FCER2: variants seen among roughly 807,000 people sequenced by gnomAD.
FCER2 encodes Fc epsilon receptor II.
FCER2 carries 38 observed loss-of-function variants against 49.7 expected under a neutral mutation model. That is an observed-to-expected ratio of 0.76 (90% CI 0.59 to 1.00). The LOEUF is 1.00. Among genes scored for constraint, FCER2 ranks in the 50% least tolerant of loss-of-function variants. The probability of loss-of-function intolerance (pLI) is 0.00; values close to 1 mark genes in which losing one functional copy is unlikely to be tolerated. For missense variants in FCER2, 425 were observed against 419.5 expected (o/e 1.01, Z -0.11); for synonymous variants, 163 against 164.6 (o/e 0.99, Z 0.07).
chr19:7,693,591 G>A (rs12974036), intron 8 of FCER2, among the ~76,000 whole-genome samples: 79,229 of 151,540 alleles, frequency 0.52, 20,843 homozygotes, highest in African/African-American at 0.6. Context: ...AAGTAAGTAG[G>A]TTTTCCTATA....
intron 8 of FCER2, among the ~76,000 whole-genome samples, chr19:7,695,577 A>G (rs2146275625): frequency 6.6e-6 from 1 of 152,066 alleles, no homozygotes; most frequent in East Asian, 1.9e-4. Context: ...GGAGTTCAGG[A>G]CCAGCCTGGG....
intron 2 of FCER2, chr19:7,699,488 T>A (rs75552259): frequency 2.3e-6 from 3 of 1,298,292 alleles, no homozygotes; most frequent in Non-Finnish European, 2.0e-6. Flanking sequence ...TTTTTTTTTT[T>A]TTTTCTTTTT....
At chr19:7,701,682 C>T (rs1312874858) in intron 1 of FCER2, among the ~76,000 whole-genome samples, 2 of 152,050 alleles carry the variant, frequency 1.3e-5, no homozygotes, top group South Asian at 2.1e-4. Flanking sequence ...GGCAGGATCC[C>T]AACTCCAGGC....
chr19:7,691,182 G>A (rs73489945), intron 8 of FCER2, among the ~76,000 whole-genome samples: 52,781 of 151,262 alleles, frequency 0.35, 10,269 homozygotes, highest in African/African-American at 0.53. Flanking sequence ...CCCCTCAACC[G>A]TCAACACCAT....
rs1316362702 is a variant in FCER2, at chr19:7,696,933, G to C, written c.380-19C>G. The C allele has an allele frequency of 6.4e-7, 1 of 1,568,366 alleles. No homozygotes were observed. The highest frequency in any genetic ancestry group is 1.2e-5 in the South Asian group (1 of 85,470). Reference sequence around the variant, plus strand: ...TTCAATTCTTGGGGAGTCAACAAGGGGCGGTGCTCAGAGACCAACTGGCAG... The same window carrying C: ...TTCAATTCTTGGGGAGTCAACAAGGCGCGGTGCTCAGAGACCAACTGGCAG... On this transcript the variant is annotated intron_variant, in intron 7 of 10. Coordinates refer to ENST00000597921, the MANE Select transcript of FCER2 (RefSeq NM_001220500.2).
At chr19:7,697,731 G>A (rs1458950982) in intron 4 of FCER2, 142 bp from the exon 5 acceptor site, 3 of 682,294 alleles carry the variant, frequency 4.4e-6, no homozygotes, top group East Asian at 5.3e-5. Flanking sequence ...AGCAGGAGGA[G>A]TGTACTCAGG....
chr19:7,697,300 T>G lies in FCER2; in HGVS notation c.254-2A>C, dbSNP rs780558442. On this transcript the variant is annotated splice_acceptor_variant, in intron 5 of 10. Transcript: ENST00000597921. LOFTEE classifies it high-confidence loss of function. Reference sequence around the variant, plus strand: ...CCAGTTCCTGTGAAATCTGCGTGGCTGTTTGCAGGGGAGGGGGCTTCATGG... The same window carrying G: ...CCAGTTCCTGTGAAATCTGCGTGGCGGTTTGCAGGGGAGGGGGCTTCATGG... 1.2e-6 allele frequency: 2 copies of G among 1,614,160 alleles called. No individual in the cohort carries two copies. Among genetic ancestry groups the G allele is most frequent in the Admixed American group, 3.3e-5 (2 of 60,018 alleles).
chr19:7,696,482 C>G (rs2033014460), intron 8 of FCER2, among the ~76,000 whole-genome samples: 1 of 152,080 alleles, frequency 6.6e-6, no homozygotes, highest in East Asian at 1.9e-4. Context: ...GTGATCCACC[C>G]GCCTCGGCCT....
rs933036713 is a variant in FCER2, at chr19:7,689,255, G to T, written c.904C>A (p.Pro302Thr). 2 of 1,613,876 alleles carry T rather than the reference G, an allele frequency of 1.2e-6. No homozygotes were observed. Among genetic ancestry groups the T allele is most frequent in the African/African-American group, 2.7e-5 (2 of 75,042 alleles). ...ASEGSAESMG[P>T]DSRPDPDGRL... is the part of the protein sequence containing the mutation. ...CCGTCAGGGTCTGGTCTTGAATCAG[G>T]TCCCATGGACTCCGCGGAACCTTCG... is the stretch of plus-strand genomic sequence containing the variant. The change falls in exon 11 of 11, where the codon CCT becomes ACT. Residue 302 changes from proline (P) to threonine (T), a missense_variant. Transcript: ENST00000597921.
At position 7,689,054 on chromosome 19, in the gene FCER2, C is replaced by T; in HGVS notation, c.*139G>A. On this transcript the variant is annotated 3_prime_UTR_variant, in exon 11 of 11. Transcript: ENST00000597921. ...GGTGTACTCCTGGGAAGGCAGGGGC[C>T]ATAGAGGAGCGGGAGATGTGTCAGC... 1 of 645,518 alleles carries T rather than the reference C, an allele frequency of 1.5e-6. No homozygotes were observed. The highest frequency in any genetic ancestry group is 2.7e-6 in the Non-Finnish European group (1 of 365,150). 40.0% of individuals were successfully genotyped at this position (645,518 alleles called of 1,614,324 possible). A position where few individuals can be genotyped will look rare whatever the true frequency, so the allele number is the denominator to read the frequency against.
chr19:7,700,176 A>C (rs1469804868), intron 1 of FCER2: 1 of 176,332 alleles, frequency 5.7e-6, no homozygotes, highest in Non-Finnish European at 1.2e-5. Context: ...TTGGTTGGTG[A>C]TCTGTGCTAA....
chr19:7,701,519 T>A (rs1191051780), intron 1 of FCER2, among the ~76,000 whole-genome samples: 2 of 152,100 alleles, frequency 1.3e-5, no homozygotes, highest in Admixed American at 6.6e-5. Context: ...CCTCTCTCAG[T>A]GGAACTGAGG....
Position 7,696,861 on chromosome 19 carries a change from C to A in FCER2, c.433G>T (p.Val145Leu), listed in dbSNP as rs1298484913. The A allele has an allele frequency of 6.3e-7, 1 of 1,587,090 alleles. No individual in the cohort carries two copies. The highest frequency in any genetic ancestry group is 8.6e-7 in the Non-Finnish European group (1 of 1,165,866). The stretch of plus-strand genomic sequence containing the variant: ...TGCAACTCCATCCTTAGCTTTGTCA[C>A]CTCCTCCCGGAGTCTTTCCAGCAAA... Reference protein sequence around the residue: ...SDLLERLREEVTKLRMELQVS... With the variant: ...SDLLERLREELTKLRMELQVS... The change falls in exon 8 of 11, where the codon GTG becomes TTG. Residue 145 changes from valine to leucine, a missense_variant. Val to Leu is a conservative substitution (Grantham distance 32). Transcript: ENST00000597921.
Position 7,690,174 on chromosome 19 carries a change from C to A in FCER2, c.713G>T (p.Ser238Ile). The A allele has an allele frequency of 1.2e-6, 2 of 1,611,856 alleles. No individual in the cohort carries two copies. The highest frequency in any genetic ancestry group is 1.7e-6 in the Non-Finnish European group (2 of 1,177,936). ...LKGEFIWVDGSHVDYSNWAPG... is the reference protein window; with the variant it reads ...LKGEFIWVDGIHVDYSNWAPG... Reference sequence around the variant, plus strand: ...CCCTCCTCACCTGTAGTCCACGTGGCTCCCATCCACCCAGATAAACTCCCC... The same window carrying A: ...CCCTCCTCACCTGTAGTCCACGTGGATCCCATCCACCCAGATAAACTCCCC... The change falls in exon 10 of 11, where the codon AGC (serine) becomes ATC (isoleucine). Residue 238 changes from serine to isoleucine, a missense_variant. By Grantham distance (142) the Ser-to-Ile change is moderately radical. Coordinates refer to ENST00000597921, the MANE Select transcript of FCER2 (RefSeq NM_001220500.2).
chr19:7,698,941 C>T (rs992469435), intron 2 of FCER2, 87 bp from the exon 3 acceptor site: 1 of 1,416,076 alleles, frequency 7.1e-7, no homozygotes, highest in Non-Finnish European at 9.6e-7. Flanking sequence ...GAGCCCCCGA[C>T]AGCCTGGGAG....
intron 6 of FCER2, 65 bp from the exon 7 acceptor site, chr19:7,697,140 A>G: frequency 6.2e-7 from 1 of 1,605,582 alleles, no homozygotes; most frequent in Non-Finnish European, 8.5e-7. Flanking sequence ...GGTGCCCCCC[A>G]AGCCTGGCCC....
chr19:7,691,967 CACATT>C (rs1263790435), intron 8 of FCER2, among the ~76,000 whole-genome samples: 5 of 69,042 alleles, frequency 7.2e-5, no homozygotes, highest in South Asian at 4.9e-4. Context: ...ACCATTGTCA[CACATT>C]CACATTCACG....
At position 7,702,073 on chromosome 19, in the gene FCER2, G is replaced by A. The variant is rs1442772194; in HGVS notation, c.-144C>T. 6.6e-6 allele frequency: 1 copy of A among 152,254 alleles called. No individual in the cohort carries two copies. The highest frequency in any genetic ancestry group is 6.5e-5 in the Admixed American group (1 of 15,278). 9.4% of individuals were successfully genotyped at this position (152,254 alleles called of 1,614,324 possible). A position where few individuals can be genotyped will look rare whatever the true frequency, so the allele number is the denominator to read the frequency against. On this transcript the variant is annotated 5_prime_UTR_variant, in exon 1 of 11. Coordinates refer to ENST00000597921, the MANE Select transcript of FCER2 (RefSeq NM_001220500.2). Reference sequence around the variant, plus strand: ...TCCTAGTGTGTTGGGGTCGACCAGAGCGATTGGCAGGGACCGTCAGAGACA... The same window carrying A: ...TCCTAGTGTGTTGGGGTCGACCAGAACGATTGGCAGGGACCGTCAGAGACA...
chr19:7,699,885 AT>A (rs1002181926), intron 1 of FCER2, 40 bp from the exon 2 acceptor site: 40 of 931,670 alleles, frequency 4.3e-5, no homozygotes, highest in Non-Finnish European at 6.4e-5. Context: ...GAGCCATCAA[AT>A]CCTAGTTACC....
Sources: gnomAD v4.1 joint callset for allele counts (sites outside exome capture counted in the v4.1 genomes callset) on GRCh38, gnomAD v4.1.1 for gene constraint, MANE v1.5 for transcripts, NCBI Gene and HGNC (gene_info 2026-07-23, HGNC 2026-07-21) for gene names.